URI1: variants seen among roughly 807,000 people sequenced by gnomAD.
URI1 encodes the protein URI1 prefoldin like chaperone.
In URI1, 39 loss-of-function variants were observed where a neutral mutation model predicts 60.2. The ratio of observed to expected loss-of-function variants is 0.65; its 90% CI spans 0.50 to 0.85. URI1 has a LOEUF of 0.85. Ranked by LOEUF, URI1 falls within the 40% of genes least tolerant of loss-of-function variation. URI1 has a pLI of 0.00. For missense variants in URI1, 691 were observed against 665.9 expected (o/e 1.04, Z -0.42); for synonymous variants, 251 against 236.8 (o/e 1.06, Z -0.55).
intron 2 of URI1, among the ~76,000 whole-genome samples, chr19:29,976,197 T>C (rs2055520857): frequency 6.6e-6 from 1 of 152,240 alleles, no homozygotes; most frequent in Non-Finnish European, 1.5e-5. Flanking sequence ...TCTGTTATTT[T>C]ACTGCTCCTT....
chr19:29,972,441 T>C (rs1267741958), intron 2 of URI1, among the ~76,000 whole-genome samples: 2 of 152,152 alleles, frequency 1.3e-5, no homozygotes, highest in African/African-American at 4.8e-5. Context: ...TGGCCCATTT[T>C]ACAAATAATT....
intron 1 of URI1, among the ~76,000 whole-genome samples, chr19:29,960,142 T>C (rs993571016): frequency 2.1e-4 from 32 of 152,320 alleles, no homozygotes; most frequent in African/African-American, 7.5e-4. Context: ...GTTTCTCTAG[T>C]GTGGTCAGAG....
chr19:29,945,813 A>T (rs377661823), intron 1 of URI1, among the ~76,000 whole-genome samples: 1 of 152,348 alleles, frequency 6.6e-6, no homozygotes, highest in South Asian at 2.1e-4. Context: ...TTGTTTTAAA[A>T]GTACACAATT....
chr19:29,959,785 T>G (rs2055299132), intron 1 of URI1, among the ~76,000 whole-genome samples: 2 of 111,068 alleles, frequency 1.8e-5, no homozygotes, highest in Admixed American at 2.0e-4. Flanking sequence ...CAATTTTATA[T>G]TTTATATTTT....
chr19:29,948,339 A>G (rs868203852), intron 1 of URI1, among the ~76,000 whole-genome samples: 1 of 152,288 alleles, frequency 6.6e-6, no homozygotes, highest in Middle Eastern at 3.4e-3. Flanking sequence ...AACATTTACC[A>G]TTAAGTGTGG....
At chr19:29,938,980 A>T (rs969163956), upstream of URI1, among the ~76,000 whole-genome samples, 1,355 of 142,188 alleles carry the variant, frequency 9.5e-3, 16 homozygotes, top group Non-Finnish European at 0.016. Context: ...CTGGCCTACC[A>T]TTTTTTTTTT....
chr19:29,950,382 A>G (rs757622691), intron 1 of URI1, among the ~76,000 whole-genome samples: 1 of 150,862 alleles, frequency 6.6e-6, no homozygotes, highest in Admixed American at 6.7e-5. Context: ...ACTTGCCCTT[A>G]TCTCCAGAGT....
At chr19:29,994,866 C>G (rs2055791906) in intron 4 of URI1, among the ~76,000 whole-genome samples, 3 of 151,644 alleles carry the variant, frequency 2.0e-5, no homozygotes, top group Admixed American at 2.0e-4. Context: ...ACTGCAGCCT[C>G]CGCCTCCCAG....
intron 1 of URI1, 76 bp from the exon 2 acceptor site, chr19:29,971,117 T>C: frequency 1.4e-6 from 2 of 1,423,982 alleles, no homozygotes; most frequent in South Asian, 1.2e-5. Context: ...AATGTTCTAG[T>C]TTTCAGATAC....
upstream of URI1, among the ~76,000 whole-genome samples, chr19:29,941,712 C>G (rs1370585740): frequency 6.6e-6 from 1 of 151,036 alleles, no homozygotes; most frequent in African/African-American, 2.4e-5. Flanking sequence ...AAAATTAGTA[C>G]AGTAGCTTAA....
intron 1 of URI1, among the ~76,000 whole-genome samples, chr19:29,959,588 T>C (rs1244433124): frequency 2.0e-5 from 3 of 152,236 alleles, no homozygotes; most frequent in Non-Finnish European, 2.9e-5. Context: ...TTATATCATT[T>C]TAGAAAATGT....
At chr19:29,946,293 C>CCAAGA (rs2055102289) in intron 1 of URI1, among the ~76,000 whole-genome samples, 1 of 152,054 alleles carries the variant, frequency 6.6e-6, no homozygotes, top group Non-Finnish European at 1.5e-5. Flanking sequence ...GGGAGGTTTC[C>CCAAGA]TTGTACTAAG....
intron 1 of URI1, among the ~76,000 whole-genome samples, chr19:29,960,306 T>C (rs2055305474): frequency 6.6e-6 from 1 of 152,222 alleles, no homozygotes; most frequent in Admixed American, 6.5e-5. Flanking sequence ...CTTGAATATG[T>C]TGTTCCAGTA....
At chr19:29,981,267 C>G (rs2055594100) in intron 2 of URI1, among the ~76,000 whole-genome samples, 1 of 152,102 alleles carries the variant, frequency 6.6e-6, no homozygotes, top group East Asian at 1.9e-4. Context: ...ATCCGTTAAT[C>G]CATTTTTTTC....
At chr19:30,007,032 C>G (rs1441315376) in intron 6 of URI1, among the ~76,000 whole-genome samples, 1 of 152,060 alleles carries the variant, frequency 6.6e-6, no homozygotes, top group Non-Finnish European at 1.5e-5. Flanking sequence ...TTGCACGTTA[C>G]TGTAGTAACT....
At chr19:29,935,795 C>CT (rs1178727433) in intron 1 of URI1, among the ~76,000 whole-genome samples, 18 of 104,764 alleles carry the variant, frequency 1.7e-4, no homozygotes, top group South Asian at 3.0e-4. Flanking sequence ...TTTCTCTTTT[C>CT]TTTTTTTTTG....
chr19:29,942,599 C>T lies in URI1; in HGVS notation c.52C>T (p.Pro18Ser). The T allele has an allele frequency of 6.9e-7, 1 of 1,454,726 alleles. No individual in the cohort carries two copies. Among genetic ancestry groups the T allele is most frequent in the Non-Finnish European group, 9.0e-7 (1 of 1,107,890 alleles). 90.1% of individuals were successfully genotyped at this position (1,454,726 alleles called of 1,614,324 possible). ...TPPDPSPPSA[P>S]APALVPLRAP... ...CCCCGACCCCTCGCCCCCTTCGGCC[C>T]CGGCCCCTGCCCTGGTTCCGTTGCG... is the stretch of plus-strand genomic sequence containing the variant. The change falls in exon 1 of 11, where the codon CCG (proline) becomes TCG (serine). Residue 18 changes from proline (P) to serine (S), a missense_variant. Transcript: ENST00000392271.
chr19:29,946,056 G>A (rs1836644789), intron 1 of URI1, among the ~76,000 whole-genome samples: 1 of 72,386 alleles, frequency 1.4e-5, no homozygotes, highest in Non-Finnish European at 2.6e-5. Context: ...CCATCTTCCA[G>A]TTGATTTCCT....
intron 2 of URI1, among the ~76,000 whole-genome samples, chr19:29,981,939 T>C (rs2055603463): frequency 6.6e-6 from 1 of 152,244 alleles, no homozygotes; most frequent in African/African-American, 2.4e-5. Context: ...AGTAATGCAT[T>C]AGTTCTTAGC....
Sources: allele counts gnomAD v4.1 joint callset (sites outside exome capture counted in the v4.1 genomes callset), GRCh38; gene constraint gnomAD v4.1.1; transcripts MANE v1.5; gene names NCBI Gene and HGNC (gene_info 2026-07-23, HGNC 2026-07-21).